The following CDKAL1 variants were observed in gnomAD, a reference collection of about 807,000 sequenced individuals.
CDKAL1 encodes the protein CDKAL1 threonylcarbamoyladenosine tRNA methylthiotransferase, also known as threonylcarbamoyladenosine tRNA methylthiotransferase.
A neutral mutation model predicts 68.2 loss-of-function variants in CDKAL1; 32 were observed. The ratio of observed to expected loss-of-function variants is 0.47; its 90% CI spans 0.35 to 0.63. The LOEUF (loss-of-function observed/expected upper bound fraction) is 0.63. Ranked by LOEUF, CDKAL1 falls within the 30% of genes least tolerant of loss-of-function variation. The pLI, the probability that CDKAL1 is intolerant of heterozygous loss-of-function variation, is 0.00. For synonymous variants in CDKAL1, 234 were observed against 244.3 expected, an observed-to-expected ratio of 0.96 and a Z score of 0.39; for missense variants, 606 against 696.7, an observed-to-expected ratio of 0.87 and a Z score of 1.47.
intron 5 of CDKAL1, among the ~76,000 whole-genome samples, chr6:20,652,918 ATTAG>A (rs1209819998): frequency 6.6e-6 from 1 of 152,134 alleles, no homozygotes; most frequent in African/African-American, 2.4e-5. Context: ...CCTTACTTTT[ATTAG>A]TTAATGTATC....
At chr6:20,871,894 CAA>C (rs1458601732) in intron 9 of CDKAL1, among the ~76,000 whole-genome samples, 2 of 152,142 alleles carry the variant, frequency 1.3e-5, no homozygotes, top group African/African-American at 2.4e-5. Context: ...AGTTTACAAA[CAA>C]TATATATGTC....
chr6:21,214,844 A>G (rs915478119), intron 15 of CDKAL1, among the ~76,000 whole-genome samples: 1 of 151,966 alleles, frequency 6.6e-6, no homozygotes, highest in African/African-American at 2.4e-5. Context: ...AGGGCCTGGC[A>G]GGGAGCAAAT....
intron 8 of CDKAL1, among the ~76,000 whole-genome samples, chr6:20,832,782 A>G (rs191190671): frequency 6.0e-4 from 92 of 152,368 alleles, no homozygotes; most frequent in Middle Eastern, 3.4e-3. Context: ...ATAAATTTCA[A>G]TGGCATATCA....
At chr6:21,035,337 A>G (rs1328123211) in intron 11 of CDKAL1, among the ~76,000 whole-genome samples, 1 of 152,150 alleles carries the variant, frequency 6.6e-6, no homozygotes, top group Non-Finnish European at 1.5e-5. Flanking sequence ...TCTCTGAGAC[A>G]AGACACATCT....
intron 4 of CDKAL1, among the ~76,000 whole-genome samples, chr6:20,598,072 G>A (rs13212326): frequency 0.069 from 10,458 of 152,156 alleles, 519 homozygotes; most frequent in African/African-American, 0.13. Context: ...GGTGGTTATG[G>A]CAGCTGGAGT....
intron 4 of CDKAL1, among the ~76,000 whole-genome samples, chr6:20,633,207 C>T (rs964715544): frequency 6.6e-6 from 1 of 152,218 alleles, no homozygotes; most frequent in African/African-American, 2.4e-5. Context: ...TCCTATCCCT[C>T]TCAGCCCTAG....
At chr6:20,576,615 G>T (rs1764917943) in intron 4 of CDKAL1, among the ~76,000 whole-genome samples, 1 of 152,118 alleles carries the variant, frequency 6.6e-6, no homozygotes, top group Non-Finnish European at 1.5e-5. Flanking sequence ...GCATTTATTT[G>T]TGTGACCTGT....
chr6:20,610,981 G>C (rs566733282), intron 4 of CDKAL1, among the ~76,000 whole-genome samples: 1 of 152,052 alleles, frequency 6.6e-6, no homozygotes, highest in East Asian at 1.9e-4. Context: ...GACTAGAATG[G>C]GTCTAAATGT....
chr6:20,567,880 A>ATT (rs554575543), intron 4 of CDKAL1, among the ~76,000 whole-genome samples: 1 of 144,624 alleles, frequency 6.9e-6, no homozygotes. Flanking sequence ...TGCCCAGCAA[A>ATT]TTTTTTTTTT....
intron 9 of CDKAL1, among the ~76,000 whole-genome samples, chr6:20,937,187 C>G (rs1763762322): frequency 3.3e-5 from 5 of 152,254 alleles, no homozygotes; most frequent in South Asian, 4.1e-4. Context: ...CTCCCTGGCT[C>G]AAGCCATCCT....
intron 11 of CDKAL1, among the ~76,000 whole-genome samples, chr6:21,064,768 TA>T (rs1270336877): frequency 6.6e-6 from 1 of 152,144 alleles, no homozygotes; most frequent in Non-Finnish European, 1.5e-5. Context: ...TAAAAATTAG[TA>T]AATCTAGAAA....
intron 5 of CDKAL1, among the ~76,000 whole-genome samples, chr6:20,711,487 G>A (rs1581426079): frequency 6.6e-6 from 1 of 152,164 alleles, no homozygotes; most frequent in East Asian, 1.9e-4. Context: ...TTGGTAGCAT[G>A]GCGGAATGAT....
At chr6:20,696,840 C>T (rs567129443) in intron 5 of CDKAL1, among the ~76,000 whole-genome samples, 87 of 152,240 alleles carry the variant, frequency 5.7e-4, no homozygotes, top group African/African-American at 2.0e-3. Context: ...GGACTTGATG[C>T]AAACAGTATG....
chr6:20,723,298 A>C (rs930528250), intron 5 of CDKAL1, among the ~76,000 whole-genome samples: 1 of 152,214 alleles, frequency 6.6e-6, no homozygotes, highest in Non-Finnish European at 1.5e-5. Context: ...TGGCAGAACT[A>C]AAGAAGCACT....
At chr6:21,103,611 G>T (rs1251542083) in intron 12 of CDKAL1, among the ~76,000 whole-genome samples, 1 of 152,114 alleles carries the variant, frequency 6.6e-6, no homozygotes, top group East Asian at 1.9e-4. Flanking sequence ...CGCAAAAAAT[G>T]CAGGACGCAG....
At chr6:21,175,377 T>C (rs755736669) in intron 13 of CDKAL1, among the ~76,000 whole-genome samples, 1 of 152,200 alleles carries the variant, frequency 6.6e-6, no homozygotes, top group Non-Finnish European at 1.5e-5. Context: ...CTATTCATTT[T>C]GTTAAATTTG....
chr6:21,137,492 A>C (rs563702684), intron 13 of CDKAL1, among the ~76,000 whole-genome samples: 1 of 152,354 alleles, frequency 6.6e-6, no homozygotes, highest in Admixed American at 6.5e-5. Context: ...AAAAGCCCTG[A>C]AACAATGGGC....
chr6:20,854,782 C>T (rs903608629), intron 9 of CDKAL1, among the ~76,000 whole-genome samples: 5 of 152,274 alleles, frequency 3.3e-5, no homozygotes, highest in Middle Eastern at 3.4e-3. Context: ...GTTTTATTTA[C>T]GTTTTACTCT....
chr6:20,719,254 G>A lies in CDKAL1; in HGVS notation c.372-20265G>A, dbSNP rs141397666. Among the ~76,000 whole-genome samples, 638 of 152,272 alleles carry A rather than the reference G, an allele frequency of 4.2e-3. 21 individuals carry two copies. Among genetic ancestry groups the A allele is most frequent in the Admixed American group, 0.033 (501 of 15,292 alleles). On this transcript the variant is annotated intron_variant, in intron 5 of 15. Transcript: ENST00000274695. ...TTAATTTGCCTCAGTCTTCTCAATG[G>A]TTTTAACTCATTACCACAAAATATA...
Sources: allele counts gnomAD v4.1 joint callset (sites outside exome capture counted in the v4.1 genomes callset), GRCh38; gene constraint gnomAD v4.1.1; transcripts MANE v1.5; gene names NCBI Gene and HGNC (gene_info 2026-07-23, HGNC 2026-07-21).